TNMD: variants seen among roughly 807,000 people sequenced by gnomAD.
TNMD encodes the protein tenomodulin, also known as BRICHOS domain containing 4.
In TNMD, 15 loss-of-function variants were observed where a neutral mutation model predicts 26.9. The ratio of observed to expected loss-of-function variants is 0.56; its 90% confidence interval spans 0.37 to 0.86. The LOEUF (loss-of-function observed/expected upper bound fraction) is 0.86, where lower values mean the gene tolerates loss of function less well. TNMD is among the 40% of genes least tolerant of loss of function. TNMD has a pLI of 0.00. For missense variants in TNMD, 222 were observed against 242.6 expected (o/e 0.92, Z 0.56); for synonymous variants, 73 against 77.0 (o/e 0.95, Z 0.27).
At chrX:100,596,491 T>C (rs377461307) in intron 4 of TNMD, among the ~76,000 whole-genome samples, 132 of 112,108 alleles carry the variant, frequency 1.2e-3, no homozygotes, top group African/African-American at 4.0e-3. Flanking sequence ...TCTTGTTTTT[T>C]ATATTCACGC....
Position 100,599,501 on chromosome X carries a change from CT to C in TNMD, c.745-4del. On this transcript the variant is annotated splice_polypyrimidine_tract_variant and splice_region_variant and intron_variant, in intron 6 of 6. Coordinates refer to ENST00000373031, the MANE Select transcript of TNMD (RefSeq NM_022144.3). ...CCACCCCCAACACTGGCTTCTTCTT[CT>C]TTCAGACTGAAAATGGAATAGAATT... 1 of 1,201,016 alleles carries C rather than the reference CT, an allele frequency of 8.3e-7. No homozygotes were observed. Among genetic ancestry groups the C allele is most frequent in the Non-Finnish European group, 1.1e-6 (1 of 888,766 alleles).
chrX:100,587,966 G>A (rs1602685055), intron 2 of TNMD, among the ~76,000 whole-genome samples: 1 of 111,754 alleles, frequency 8.9e-6, no homozygotes, highest in African/African-American at 3.3e-5. Flanking sequence ...GGTAGAGAGA[G>A]CTGTGCATGC....
chrX:100,594,337 C>G lies in TNMD; in HGVS notation c.398C>G (p.Ser133Cys). 8.4e-7 allele frequency: 1 copy of G among 1,191,677 alleles called. No homozygotes were observed. The highest frequency in any genetic ancestry group is 1.1e-6 in the Non-Finnish European group (1 of 882,612). ...CAGATTAAAGTGATTCCTGAATTTTCTGAACCAGAAGAGGAAATAGATGAG... is the reference window on the plus strand; with the variant it reads ...CAGATTAAAGTGATTCCTGAATTTTGTGAACCAGAAGAGGAAATAGATGAG... ...KTQIKVIPEF[S>C]EPEEEIDENE... Residue 133 changes from serine to cysteine, a missense_variant, in exon 4 of 7, where the codon TCT (serine) becomes TGT (cysteine). By Grantham distance (112) the Ser-to-Cys change is moderately radical. Transcript: ENST00000373031.
Position 100,597,549 on chromosome X carries a change from G to A in TNMD, c.469G>A (p.Val157Ile), listed in dbSNP as rs773967502. 2.5e-6 allele frequency: 3 copies of A among 1,211,426 alleles called. No individual in the cohort carries two copies. Among genetic ancestry groups the A allele is most frequent in the Non-Finnish European group, 3.4e-6 (3 of 895,256 alleles). ...TTFFEQSVIW[V>I]PAEKPIENRD... is the part of the protein sequence containing the mutation. Reference sequence around the variant, plus strand: ...TTTCTTTGAACAGTCAGTGATTTGGGTCCCAGCAGAAAAGCCTATTGAAAA... The same window carrying A: ...TTTCTTTGAACAGTCAGTGATTTGGATCCCAGCAGAAAAGCCTATTGAAAA... Residue 157 changes from valine (V) to isoleucine (I), a missense_variant, in exon 5 of 7, where the codon GTC becomes ATC. Physicochemically the swap from Val to Ile is conservative, Grantham distance 29 (BLOSUM62 3). Coordinates refer to ENST00000373031, the MANE Select transcript of TNMD (RefSeq NM_022144.3).
chrX:100,594,807 T>G (rs565445901), intron 4 of TNMD, among the ~76,000 whole-genome samples: 1 of 112,224 alleles, frequency 8.9e-6, no homozygotes, highest in Non-Finnish European at 1.9e-5. Flanking sequence ...CACACTTCAG[T>G]ATTCACCTAT....
At chrX:100,592,862 AT>A (rs1335573379) in intron 2 of TNMD, among the ~76,000 whole-genome samples, 1 of 111,781 alleles carries the variant, frequency 8.9e-6, no homozygotes, top group Non-Finnish European at 1.9e-5. Flanking sequence ...AGTTTCCCAG[AT>A]TTTTTTCATA....
chrX:100,589,105 C>T (rs1007925507), intron 2 of TNMD, among the ~76,000 whole-genome samples: 1 of 111,255 alleles, frequency 9.0e-6, no homozygotes, highest in Non-Finnish European at 1.9e-5. Flanking sequence ...CTGATTGCAA[C>T]ATTTTGTGCG....
intron 2 of TNMD, among the ~76,000 whole-genome samples, chrX:100,591,631 A>T (rs2082938056): frequency 9.0e-6 from 1 of 111,510 alleles, no homozygotes; most frequent in African/African-American, 3.3e-5. Context: ...TTGATAGTGG[A>T]ATTCTGTCTG....
chrX:100,588,579 G>A lies in TNMD; in HGVS notation c.180+3217G>A, dbSNP rs778468399. ...CCCTTCTAGGCAGTGACTGCCCTGG[G>A]ATCATTGAAGCAGAATCACCAAAGA... On this transcript the variant is annotated intron_variant, in intron 2 of 6. Transcript: ENST00000373031. Among the ~76,000 whole-genome samples, 11 of 111,651 alleles carry A rather than the reference G, an allele frequency of 9.9e-5. 1 individual carries two copies. In the South Asian group the frequency reaches 3.4e-3, roughly 34 times the overall value.
intron 3 of TNMD, 85 bp downstream of exon 3, chrX:100,594,120 T>C (rs1011987247): frequency 2.6e-5 from 27 of 1,049,089 alleles, no homozygotes; most frequent in Non-Finnish European, 3.3e-5. Flanking sequence ...CCATCTAAAA[T>C]TTGAATTCAA....
intron 2 of TNMD, among the ~76,000 whole-genome samples, chrX:100,586,668 G>T (rs2082922822): frequency 9.0e-6 from 1 of 111,132 alleles, no homozygotes; most frequent in Non-Finnish European, 1.9e-5. Flanking sequence ...TTCCAGAAAA[G>T]ATTTCAGGCA....
At chrX:100,586,280 G>A (rs746974654) in intron 2 of TNMD, among the ~76,000 whole-genome samples, 17 of 112,093 alleles carry the variant, frequency 1.5e-4, no homozygotes, top group Non-Finnish European at 2.8e-4. Flanking sequence ...TGAAGTTATT[G>A]TTATTACTGT....
intron 2 of TNMD, among the ~76,000 whole-genome samples, chrX:100,590,480 C>G (rs1326705861): frequency 1.8e-5 from 2 of 112,165 alleles, no homozygotes; most frequent in East Asian, 5.6e-4. Context: ...GGCAAGAAAA[C>G]AAGGAAAACT....
chrX:100,587,398 C>A (rs1417418540), intron 2 of TNMD, among the ~76,000 whole-genome samples: 1 of 112,289 alleles, frequency 8.9e-6, no homozygotes, highest in African/African-American at 3.2e-5. Context: ...AAAAATCAAA[C>A]CTCTTGTGAA....
At chrX:100,586,723 C>T (rs1275278712) in intron 2 of TNMD, among the ~76,000 whole-genome samples, 1 of 111,562 alleles carries the variant, frequency 9.0e-6, no homozygotes, top group Non-Finnish European at 1.9e-5. Context: ...TCCTCCTCCC[C>T]TTACTGCTCC....
intron 6 of TNMD, 29 bp from the exon 7 acceptor site, chrX:100,599,479 C>A: frequency 8.6e-7 from 1 of 1,163,456 alleles, no homozygotes; most frequent in Non-Finnish European, 1.2e-6. Flanking sequence ...TCCTCTCCCA[C>A]CCCCAACACT....
chrX:100,592,797 C>G (rs2082941543), intron 2 of TNMD, among the ~76,000 whole-genome samples: 1 of 112,030 alleles, frequency 8.9e-6, no homozygotes, highest in Non-Finnish European at 1.9e-5. Context: ...CACTGGGAAC[C>G]GTATCATTAG....
intron 2 of TNMD, among the ~76,000 whole-genome samples, chrX:100,588,903 G>A (rs941643987): frequency 5.4e-5 from 6 of 111,266 alleles, no homozygotes; most frequent in Non-Finnish European, 5.7e-5. Flanking sequence ...CAATAGATTC[G>A]TGAGGATGTT....
intron 2 of TNMD, among the ~76,000 whole-genome samples, chrX:100,586,686 A>G (rs1288493289): frequency 2.7e-5 from 3 of 111,179 alleles, no homozygotes; most frequent in Non-Finnish European, 5.7e-5. Context: ...GCATCACCCA[A>G]TGCCTATAGT....
Sources: gnomAD v4.1 joint callset for allele counts (sites outside exome capture counted in the v4.1 genomes callset) on GRCh38, gnomAD v4.1.1 for gene constraint, MANE v1.5 for transcripts, NCBI Gene and HGNC (gene_info 2026-07-23, HGNC 2026-07-21) for gene names.